IL1RAPL2: variants seen among roughly 807,000 people sequenced by gnomAD.
The protein encoded by IL1RAPL2 is interleukin 1 receptor accessory protein like 2.
In IL1RAPL2, 3 loss-of-function variants were observed where a neutral mutation model predicts 44.1. The ratio of observed to expected loss-of-function variants is 0.07; its 90% CI spans 0.03 to 0.18. IL1RAPL2 has a LOEUF of 0.18. Ranked by LOEUF, IL1RAPL2 falls within the 10% of genes least tolerant of loss-of-function variation. IL1RAPL2 has a pLI of 1.00. For missense variants in IL1RAPL2, 391 were observed against 496.4 expected, an observed-to-expected ratio of 0.79 and a Z score of 2.02; for synonymous variants, 181 against 178.8, an observed-to-expected ratio of 1.01 and a Z score of -0.10.
intron 2 of IL1RAPL2, among the ~76,000 whole-genome samples, chrX:104,935,535 T>A (rs1352204814): frequency 8.9e-6 from 1 of 112,251 alleles, no homozygotes; most frequent in Non-Finnish European, 1.9e-5. Flanking sequence ...GCAAGAAAAT[T>A]GAAAGAAAGC....
intron 3 of IL1RAPL2, among the ~76,000 whole-genome samples, chrX:105,221,848 TTACCTACCCTTCA>T (rs2033968110): frequency 9.0e-6 from 1 of 111,299 alleles, no homozygotes; most frequent in South Asian, 3.8e-4. Context: ...AATTTTTAAG[TTACCTACCCTTCA>T]TACCGACCCT....
At chrX:104,595,009 G>A (rs1406662076) in intron 1 of IL1RAPL2, among the ~76,000 whole-genome samples, 3 of 111,899 alleles carry the variant, frequency 2.7e-5, no homozygotes, top group African/African-American at 9.7e-5. Context: ...ATGACAAACC[G>A]TCGAATGAAT....
chrX:105,403,569 A>C (rs764522114), intron 5 of IL1RAPL2, among the ~76,000 whole-genome samples: 3 of 111,636 alleles, frequency 2.7e-5, no homozygotes, highest in Admixed American at 9.5e-5. Context: ...CTGTATAAAG[A>C]ACCAAAATAA....
chrX:105,152,858 G>C (rs141294719), intron 2 of IL1RAPL2, among the ~76,000 whole-genome samples: 68 of 112,049 alleles, frequency 6.1e-4, no homozygotes, highest in African/African-American at 2.1e-3. Context: ...TTCTGTCATT[G>C]GATTGTATGG....
chrX:104,763,804 G>T (rs977137369), intron 2 of IL1RAPL2, among the ~76,000 whole-genome samples: 14 of 110,815 alleles, frequency 1.3e-4, no homozygotes, highest in Non-Finnish European at 1.5e-4. Flanking sequence ...CCTCCCCCTG[G>T]GTCCCTCCTC....
At chrX:105,533,961 T>C (rs1294066607) in intron 6 of IL1RAPL2, among the ~76,000 whole-genome samples, 1 of 112,266 alleles carries the variant, frequency 8.9e-6, no homozygotes, top group Non-Finnish European at 1.9e-5. Flanking sequence ...CATTGTGCAG[T>C]TTTCCTATGT....
intron 2 of IL1RAPL2, among the ~76,000 whole-genome samples, chrX:105,033,720 A>C (rs1246384915): frequency 9.0e-6 from 1 of 110,574 alleles, no homozygotes; most frequent in African/African-American, 3.3e-5. Context: ...GCTCTTCTCG[A>C]GGAGTATGTT....
intron 5 of IL1RAPL2, among the ~76,000 whole-genome samples, chrX:105,349,830 A>G (rs377092375): frequency 9.8e-5 from 11 of 112,017 alleles, no homozygotes; most frequent in African/African-American, 3.6e-4. Context: ...TCCCAGAGAC[A>G]TTCAAAATTG....
intron 5 of IL1RAPL2, among the ~76,000 whole-genome samples, chrX:105,332,046 G>A (rs1319452543): frequency 1.8e-5 from 2 of 109,491 alleles, no homozygotes; most frequent in Admixed American, 9.8e-5. Flanking sequence ...GGATCAATGC[G>A]TATTCACAGA....
intron 6 of IL1RAPL2, among the ~76,000 whole-genome samples, chrX:105,596,183 T>C (rs1476149894): frequency 9.0e-6 from 1 of 111,128 alleles, no homozygotes; most frequent in Non-Finnish European, 1.9e-5. Context: ...TTGGGTGTAG[T>C]TGGTTCTTTT....
At chrX:105,683,402 A>C (rs2037941507) in intron 6 of IL1RAPL2, among the ~76,000 whole-genome samples, 1 of 111,870 alleles carries the variant, frequency 8.9e-6, no homozygotes, top group African/African-American at 3.3e-5. Context: ...CCATATCAGG[A>C]TGTCCACAAG....
intron 2 of IL1RAPL2, among the ~76,000 whole-genome samples, chrX:105,177,938 A>G (rs1354373168): frequency 2.7e-5 from 3 of 111,669 alleles, no homozygotes; most frequent in Non-Finnish European, 5.6e-5. Context: ...CAGGGTATTT[A>G]GGATATCCAT....
intron 2 of IL1RAPL2, among the ~76,000 whole-genome samples, chrX:104,937,978 T>G (rs1925066576): frequency 8.9e-6 from 1 of 112,531 alleles, no homozygotes; most frequent in African/African-American, 3.2e-5. Flanking sequence ...CCACCTCATT[T>G]ATTCAGCTGC....
chrX:105,016,260 C>G, intron 2 of IL1RAPL2, among the ~76,000 whole-genome samples: 1 of 111,608 alleles, frequency 9.0e-6, no homozygotes, highest in Non-Finnish European at 1.9e-5. Context: ...TATCTGGAAA[C>G]AGAGACAATT....
chrX:105,090,128 T>C (rs1345791872), intron 2 of IL1RAPL2, among the ~76,000 whole-genome samples: 4 of 111,207 alleles, frequency 3.6e-5, no homozygotes, highest in Admixed American at 2.9e-4. Flanking sequence ...GAGTACATAA[T>C]ATCTAGGCTT....
At chrX:105,087,752 C>T (rs1206669616) in intron 2 of IL1RAPL2, among the ~76,000 whole-genome samples, 1 of 112,048 alleles carries the variant, frequency 8.9e-6, no homozygotes, top group East Asian at 2.8e-4. Context: ...CAGAGACTTT[C>T]TTGCCTTTCA....
chrX:104,707,009 A>T (rs1012532559), intron 2 of IL1RAPL2, among the ~76,000 whole-genome samples: 9 of 111,687 alleles, frequency 8.1e-5, no homozygotes, highest in African/African-American at 2.9e-4. Flanking sequence ...ACTACTGGAT[A>T]TTTTAACATA....
At chrX:104,913,868 T>C (rs1478439381) in intron 2 of IL1RAPL2, among the ~76,000 whole-genome samples, 1 of 112,336 alleles carries the variant, frequency 8.9e-6, no homozygotes, top group Non-Finnish European at 1.9e-5. Context: ...AGGTTTCTTA[T>C]AATAAGAGCT....
At chrX:104,930,731 CGATGAGCCAGTCACTTAT>C (rs1168210414) in intron 2 of IL1RAPL2, among the ~76,000 whole-genome samples, 1 of 111,709 alleles carries the variant, frequency 9.0e-6, no homozygotes, top group Non-Finnish European at 1.9e-5. Flanking sequence ...TGAGAACTTA[CGATGAGCCAGTCACTTAT>C]GATGAGCTAG....
Sources: gnomAD v4.1 joint callset for allele counts (sites outside exome capture counted in the v4.1 genomes callset) on GRCh38, gnomAD v4.1.1 for gene constraint, MANE v1.5 for transcripts, NCBI Gene and HGNC (gene_info 2026-07-23, HGNC 2026-07-21) for gene names.